STX11: variants seen among roughly 807,000 people sequenced by gnomAD.
STX11 encodes syntaxin-11.
STX11 carries 21 observed loss-of-function variants against 19.9 expected under a neutral mutation model. The ratio of observed to expected loss-of-function variants is 1.06; its 90% CI spans 0.75 to 1.52. The LOEUF (loss-of-function observed/expected upper bound fraction) is 1.52. STX11 is among the 40% of genes most tolerant of loss of function. The pLI is 0.00. For synonymous variants in STX11, 193 were observed against 174.4 expected, an observed-to-expected ratio of 1.11 and a Z score of -0.84; for missense variants, 438 against 405.9, an observed-to-expected ratio of 1.08 and a Z score of -0.68.
At chr6:144,157,861 C>G (rs1416913104) in intron 1 of STX11, among the ~76,000 whole-genome samples, 2 of 151,958 alleles carry the variant, frequency 1.3e-5, no homozygotes, top group Non-Finnish European at 2.9e-5. Flanking sequence ...ATTAGGGTTC[C>G]CCCCGCTCTC....
Position 144,165,590 on chromosome 6 carries a change from T to C in STX11, c.-6+14887T>C, listed in dbSNP as rs561103534. Among the ~76,000 whole-genome samples the C allele has an allele frequency of 1.6e-4, 24 of 152,350 alleles. No individual in the cohort carries two copies. Among genetic ancestry groups the C allele is most frequent in the African/African-American group, 4.8e-4 (20 of 41,584 alleles). ...AAGTTTGAGCTGAATAGAGCATTAA[T>C]ATGCTGTAACTTGAGTTATAGGAGT... On this transcript the variant is annotated intron_variant, in intron 1 of 1. Coordinates refer to ENST00000367568, the MANE Select transcript of STX11 (RefSeq NM_003764.4). The surrounding 1 kb of genome is among the most constrained non-coding windows in gnomAD (Gnocchi z 5.8).
At chr6:144,185,563 G>C (rs1269144762) in intron 1 of STX11, among the ~76,000 whole-genome samples, 2 of 152,120 alleles carry the variant, frequency 1.3e-5, no homozygotes, top group Non-Finnish European at 2.9e-5. Context: ...AACCATCCTT[G>C]TAAAAACATG....
rs1215902750 is a variant in STX11, at chr6:144,172,845, A to G, written c.-5-13778A>G. ...TCCCATACACATCCAACATATAATG[A>G]TGAGATAGGAAAAGGATAACAAAAG... is the stretch of plus-strand genomic sequence containing the variant. On this transcript the variant is annotated intron_variant, in intron 1 of 1. Transcript: ENST00000367568. This position sits in a 1 kb window ranked among gnomAD's most constrained non-coding sequence, Gnocchi z 4.2. Among the ~76,000 whole-genome samples the G allele has an allele frequency of 1.3e-5, 2 of 151,836 alleles. No individual in the cohort carries two copies. Among genetic ancestry groups the G allele is most frequent in the Non-Finnish European group, 2.9e-5 (2 of 68,000 alleles).
In STX11 at chr6:144,187,416, G is replaced by A; in HGVS notation, c.789G>A (p.Val263=). 6.2e-7 allele frequency: 1 copy of A among 1,611,696 alleles called. No individual in the cohort carries two copies. Among genetic ancestry groups the A allele is most frequent in the Non-Finnish European group, 8.5e-7 (1 of 1,179,986 alleles). Residue 263 remains valine, a synonymous_variant, in exon 2 of 2, where the codon GTG becomes GTA. Coordinates refer to ENST00000367568, the MANE Select transcript of STX11 (RefSeq NM_003764.4). The surrounding 1 kb of genome is among the most constrained non-coding windows in gnomAD (Gnocchi z 5.6). ...ACACCGGCCAGGCCAAGGCGCAGGT[G>A]CGGAAGGCCGTGCAGTACGAGGAGA... The part of the protein sequence containing the change: ...VDYTGQAKAQ[V]RKAVQYEEKN...
At chr6:144,156,722 CAT>C (rs1801179778) in intron 1 of STX11, among the ~76,000 whole-genome samples, 1 of 152,140 alleles carries the variant, frequency 6.6e-6, no homozygotes, top group Non-Finnish European at 1.5e-5. Context: ...ATAAGTAGGA[CAT>C]AGTGTATTAG....
At position 144,179,701 on chromosome 6, in the gene STX11, G is replaced by A. The variant is rs73585226; in HGVS notation, c.-5-6922G>A. Among the ~76,000 whole-genome samples the A allele has an allele frequency of 5.4e-3, 822 of 152,326 alleles. 6 individuals are homozygous for A. Among genetic ancestry groups the A allele is most frequent in the African/African-American group, 0.018 (760 of 41,568 alleles). ...ACCAGGATGCATGCCCTTGGGCAGGGCTTTATCCACCCAGAGAAAGGGCCC... is the reference window on the plus strand; with the variant it reads ...ACCAGGATGCATGCCCTTGGGCAGGACTTTATCCACCCAGAGAAAGGGCCC... On this transcript the variant is annotated intron_variant, in intron 1 of 1. Transcript: ENST00000367568.
At chr6:144,144,082 A>G in the STX11 span, among the ~76,000 whole-genome samples, 20,809 of 152,222 alleles carry the variant, frequency 0.14, 2,637 homozygotes, top group African/African-American at 0.33. Context: ...TGCTTACTAC[A>G]GTCATTCATT....
In STX11 at chr6:144,152,181, A is replaced by C. The variant is rs1801024165; in HGVS notation, c.-6+1478A>C. ...AGACTCAGCAGATTATCACCCCTAG[A>C]TAATTGCGGTCACGATTAGTTGATA... On this transcript the variant is annotated intron_variant, in intron 1 of 1. Coordinates refer to ENST00000367568, the MANE Select transcript of STX11 (RefSeq NM_003764.4). This position sits in a 1 kb window ranked among gnomAD's most constrained non-coding sequence, Gnocchi z 4.9. Among the ~76,000 whole-genome samples, 1 of 152,212 alleles carries C rather than the reference A, an allele frequency of 6.6e-6. No homozygotes were observed. Among genetic ancestry groups the C allele is most frequent in the Non-Finnish European group, 1.5e-5 (1 of 68,038 alleles).
chr6:144,141,278 C>A, the STX11 span, among the ~76,000 whole-genome samples: 3 of 152,152 alleles, frequency 2.0e-5, no homozygotes, highest in African/African-American at 7.2e-5. Flanking sequence ...GTTAGAGCAA[C>A]CAGTACATAT....
rs1026925220 is a variant in STX11 at position 144,190,502 on chromosome 6, A to C, written c.*3011A>C. ...GTTTTTAAGTACAGAGGAAAAATAA[A>C]GCCTATTTTTTGTTAACAGTCTTAA... On this transcript the variant is annotated 3_prime_UTR_variant, in exon 2 of 2. Transcript: ENST00000367568. 3.3e-5 allele frequency among the ~76,000 whole-genome samples: 5 copies of C among 152,304 alleles called. No individual in the cohort carries two copies. The South Asian group carries it at 6.2e-4, about 19-fold the overall frequency.
chr6:144,145,407 A>G, the STX11 span, among the ~76,000 whole-genome samples: 47 of 152,226 alleles, frequency 3.1e-4, no homozygotes, highest in Non-Finnish European at 1.5e-5. Flanking sequence ...ACTACTGGGT[A>G]TATATCCAAA....
At position 144,191,848 on chromosome 6, in the gene STX11, A is replaced by G. The variant is rs982223150; in HGVS notation, c.*4357A>G. 1.3e-5 allele frequency among the ~76,000 whole-genome samples: 2 copies of G among 152,250 alleles called. No homozygotes were observed. The highest frequency in any genetic ancestry group is 4.8e-5 in the African/African-American group (2 of 41,462). Reference sequence around the variant, plus strand: ...ATAAATGATGAGTGTCTTTGTTATCAACACGTTATTAAGAATGGGCAAGAT... The same window carrying G: ...ATAAATGATGAGTGTCTTTGTTATCGACACGTTATTAAGAATGGGCAAGAT... On this transcript the variant is annotated 3_prime_UTR_variant, in exon 2 of 2. Coordinates refer to ENST00000367568, the MANE Select transcript of STX11 (RefSeq NM_003764.4).
chr6:144,144,257 G>T, the STX11 span, among the ~76,000 whole-genome samples: 1 of 152,266 alleles, frequency 6.6e-6, no homozygotes, highest in East Asian at 1.9e-4. Flanking sequence ...AACTAGTTTT[G>T]TAAGTCTGCA....
Position 144,155,084 on chromosome 6 carries a change from T to A in STX11, c.-6+4381T>A, listed in dbSNP as rs1414924727. Among the ~76,000 whole-genome samples the A allele has an allele frequency of 6.6e-6, 1 of 152,234 alleles. No homozygotes were observed. The highest frequency in any genetic ancestry group is 1.5e-5 in the Non-Finnish European group (1 of 68,038). On this transcript the variant is annotated intron_variant, in intron 1 of 1. Transcript: ENST00000367568. The surrounding 1 kb of genome is among the most constrained non-coding windows in gnomAD (Gnocchi z 4.5). ...TTGATCTAGGAAGAAACTGGAATAA[T>A]CAGACCTTTTCTCCTGGGAATTTAC...
rs1801758075 is a variant in STX11 at position 144,175,585 on chromosome 6, G to A, written c.-5-11038G>A. Among the ~76,000 whole-genome samples the A allele has an allele frequency of 6.6e-6, 1 of 152,174 alleles. No individual in the cohort carries two copies. ...GCCTCTCAAAGTGCTGGGATTACAG[G>A]CATGAGCCACCGCGCCCAGCCTTAA... On this transcript the variant is annotated intron_variant, in intron 1 of 1. Transcript: ENST00000367568. This position sits in a 1 kb window ranked among gnomAD's most constrained non-coding sequence, Gnocchi z 5.1.
chr6:144,166,527 T>C, intron 1 of STX11, among the ~76,000 whole-genome samples: 1 of 127,932 alleles, frequency 7.8e-6, no homozygotes, highest in African/African-American at 3.8e-5. Flanking sequence ...TTTCTTTCCT[T>C]TTTTTTTTTT....
intron 1 of STX11, among the ~76,000 whole-genome samples, chr6:144,178,748 T>C (rs866648675): frequency 6.6e-6 from 1 of 152,216 alleles, no homozygotes; most frequent in Non-Finnish European, 1.5e-5. Context: ...TTTCAATTAA[T>C]ACTCTTCAGC....
the STX11 span, among the ~76,000 whole-genome samples, chr6:144,140,395 C>T: frequency 6.6e-6 from 1 of 151,584 alleles, no homozygotes; most frequent in African/African-American, 2.4e-5. Context: ...GCTGGGACTA[C>T]AGGCGCACGC....
At chr6:144,181,280 T>C (rs1431282745) in intron 1 of STX11, among the ~76,000 whole-genome samples, 1 of 152,030 alleles carries the variant, frequency 6.6e-6, no homozygotes, top group African/African-American at 2.4e-5. Flanking sequence ...TTCTCCAGAA[T>C]TGCATGATAA....
Sources: gnomAD v4.1 joint callset for allele counts (sites outside exome capture counted in the v4.1 genomes callset) on GRCh38, gnomAD v4.1.1 for gene constraint, Gnocchi (gnomAD v3.1) non-coding constraint, MANE v1.5 for transcripts, NCBI Gene and HGNC (gene_info 2026-07-23, HGNC 2026-07-21) for gene names.